Variants in NEDD9 observed in about 807,000 individuals in gnomAD.
NEDD9 encodes the protein enhancer of filamentation 1.
A neutral mutation model predicts 76.6 loss-of-function variants in NEDD9; 26 were observed. That is an observed-to-expected ratio of 0.34 (90% confidence interval 0.25 to 0.47). The LOEUF (loss-of-function observed/expected upper bound fraction) is 0.47, where lower values mean the gene tolerates loss of function less well. NEDD9 is among the 20% of genes least tolerant of loss of function. NEDD9 has a pLI of 1.00. For missense variants in NEDD9, 937 were observed against 1,058.5 expected, an observed-to-expected ratio of 0.89 and a Z score of 1.59; for synonymous variants, 392 against 414.2, an observed-to-expected ratio of 0.95 and a Z score of 0.65.
At chr6:11,320,361 C>G (rs1338694817) in intron 2 of NEDD9, among the ~76,000 whole-genome samples, 2 of 152,172 alleles carry the variant, frequency 1.3e-5, no homozygotes, top group African/African-American at 4.8e-5. Flanking sequence ...ACCTTCTATA[C>G]TCTCTCGCCT....
upstream of NEDD9, among the ~76,000 whole-genome samples, chr6:11,236,349 G>A (rs1459852596): frequency 1.3e-5 from 2 of 152,188 alleles, no homozygotes; most frequent in Non-Finnish European, 2.9e-5. The surrounding 1 kb of genome is among the most constrained non-coding windows in gnomAD (Gnocchi z 5.5). Context: ...GTGCAGGCAG[G>A]AGTGAGGGAA....
At position 11,185,495 on chromosome 6, in the gene NEDD9, G is replaced by A. The variant is rs903769927; in HGVS notation, c.2172C>T (p.Asn724=). 2.5e-6 allele frequency: 4 copies of A among 1,614,206 alleles called. No individual in the cohort carries two copies. Among genetic ancestry groups the A allele is most frequent in the Non-Finnish European group, 2.5e-6 (3 of 1,180,030 alleles). Residue 724 remains asparagine, a synonymous_variant, in exon 7 of 7, where the codon AAC becomes AAT. Transcript: ENST00000379446. Reference sequence around the variant, plus strand: ...CACAACTGAAGAGTGCGTCAATGGCGTTGAGAAGGGAAATGAAATGGGTCT... The same window carrying A: ...CACAACTGAAGAGTGCGTCAATGGCATTGAGAAGGGAAATGAAATGGGTCT... The part of the protein sequence containing the change: ...QCETHFISLL[N]AIDALFSCVS...
intron 1 of NEDD9, among the ~76,000 whole-genome samples, chr6:11,222,919 T>C (rs936730463): frequency 1.3e-5 from 2 of 152,044 alleles, no homozygotes; most frequent in African/African-American, 4.8e-5. Context: ...GGAGAAGGAG[T>C]AGAAGAGATT....
chr6:11,382,065 C>G (rs1001427508), intron 1 of NEDD9: 1 of 152,282 alleles, frequency 6.6e-6, no homozygotes, highest in African/African-American at 2.4e-5. Context: ...AGATGTCTGG[C>G]ACCAACTCAG....
At chr6:11,382,212 G>A (rs548546810) in exon 1 of NEDD9, 9 of 152,406 alleles carry the variant, frequency 5.9e-5, no homozygotes, top group African/African-American at 2.2e-4. Context: ...GCAGGCGGGC[G>A]GGAGGTGACA....
At chr6:11,214,080 G>T in intron 1 of NEDD9, 1 of 419,010 alleles carries the variant, frequency 2.4e-6, no homozygotes. Context: ...TGAGCTTAAG[G>T]AAAAAAAAAT....
chr6:11,288,913 A>C (rs1021445061), intron 3 of NEDD9, among the ~76,000 whole-genome samples: 3 of 152,216 alleles, frequency 2.0e-5, no homozygotes, highest in Non-Finnish European at 4.4e-5. Context: ...TCCATAATTG[A>C]CTAATTGCAG....
rs896503803 is a variant in NEDD9, at chr6:11,370,261, A to C, written c.-214+11878T>G. ...GCTCTGCTGACGTTTTCCTATGCTGAAGCAAGAAGTGAGGAACATTGTCTT... is the reference window on the plus strand; with the variant it reads ...GCTCTGCTGACGTTTTCCTATGCTGCAGCAAGAAGTGAGGAACATTGTCTT... On this transcript the variant is annotated intron_variant, in intron 1 of 3. Transcript: ENST00000397378. The surrounding 1 kb of genome is among the most constrained non-coding windows in gnomAD (Gnocchi z 4.2). Among the ~76,000 whole-genome samples, 1 of 152,174 alleles carries C rather than the reference A, an allele frequency of 6.6e-6. No individual in the cohort carries two copies. The highest frequency in any genetic ancestry group is 1.5e-5 in the Non-Finnish European group (1 of 68,028).
intron 3 of NEDD9, among the ~76,000 whole-genome samples, chr6:11,281,488 T>G (rs774822714): frequency 6.6e-5 from 10 of 152,210 alleles, no homozygotes; most frequent in Non-Finnish European, 1.5e-4. Flanking sequence ...AGATGTGATA[T>G]CTGGAGCTAC....
chr6:11,299,803 A>G lies in NEDD9; in HGVS notation c.12+6189T>C, dbSNP rs1760994404. Among the ~76,000 whole-genome samples, 4 of 152,242 alleles carry G rather than the reference A, an allele frequency of 2.6e-5. No individual in the cohort carries two copies. In the South Asian group the frequency reaches 8.3e-4, roughly 32 times the overall value. On this transcript the variant is annotated intron_variant, in intron 3 of 3. Coordinates refer to the NEDD9 transcript ENST00000397378. ...AAGGAAAACTAACAAACGGAAAGGA[A>G]TAGCATCAACATCAACAAAAAGGAC... is the stretch of plus-strand genomic sequence containing the variant.
chr6:11,249,538 A>C (rs1449521163), intron 3 of NEDD9, among the ~76,000 whole-genome samples: 1 of 152,076 alleles, frequency 6.6e-6, no homozygotes, highest in Non-Finnish European at 1.5e-5. Flanking sequence ...TTCTCATCCC[A>C]TTAGCCAGAT....
chr6:11,258,372 C>T (rs551590856), intron 3 of NEDD9: 6 of 152,296 alleles, frequency 3.9e-5, no homozygotes, highest in Non-Finnish European at 7.3e-5. Context: ...TGTGAATGCT[C>T]TTCTCTGAAT....
chr6:11,221,444 T>C (rs966302890), intron 1 of NEDD9, among the ~76,000 whole-genome samples: 2 of 151,824 alleles, frequency 1.3e-5, no homozygotes, highest in African/African-American at 2.4e-5. Flanking sequence ...AGGTTTTTTA[T>C]AGGTATTAGA....
At chr6:11,318,700 C>T (rs909287886) in intron 2 of NEDD9, among the ~76,000 whole-genome samples, 1 of 152,026 alleles carries the variant, frequency 6.6e-6, no homozygotes. Context: ...AAAAAAACAA[C>T]AGAAAACAGC....
chr6:11,252,526 C>A lies in NEDD9; in HGVS notation c.13-38799G>T, dbSNP rs1759932778. Reference sequence around the variant, plus strand: ...AGCCCACAGCTACCTCCCATGCCTCCTGGAAGCACCCCCTTCCATGGTCAA... The same window carrying A: ...AGCCCACAGCTACCTCCCATGCCTCATGGAAGCACCCCCTTCCATGGTCAA... On this transcript the variant is annotated intron_variant, in intron 3 of 3. Transcript: ENST00000397378. The surrounding 1 kb of genome is among the most constrained non-coding windows in gnomAD (Gnocchi z 4.3). Among the ~76,000 whole-genome samples the A allele has an allele frequency of 6.6e-6, 1 of 152,202 alleles. No homozygotes were observed. The highest frequency in any genetic ancestry group is 6.5e-5 in the Admixed American group (1 of 15,282).
intron 1 of NEDD9, among the ~76,000 whole-genome samples, chr6:11,341,790 A>G (rs1214215155): frequency 6.6e-6 from 1 of 152,222 alleles, no homozygotes; most frequent in Non-Finnish European, 1.5e-5. Context: ...AGACATAAAA[A>G]CCAACAAAAA....
chr6:11,297,256 C>T (rs1760922794), intron 3 of NEDD9, among the ~76,000 whole-genome samples: 1 of 151,396 alleles, frequency 6.6e-6, no homozygotes, highest in Admixed American at 6.6e-5. Flanking sequence ...ACAGAACCAT[C>T]CTGGGAAAAG....
chr6:11,330,288 G>A (rs937483138), intron 2 of NEDD9, among the ~76,000 whole-genome samples: 3 of 152,146 alleles, frequency 2.0e-5, no homozygotes, highest in East Asian at 1.9e-4. Flanking sequence ...ACTTTAACCC[G>A]TGTTGGTATG....
chr6:11,200,308 G>A (rs900736273), intron 2 of NEDD9: 7 of 463,556 alleles, frequency 1.5e-5, no homozygotes, highest in African/African-American at 1.4e-4. Flanking sequence ...TGCCAGAACA[G>A]CTCAAAGCAT....
Sources: gnomAD v4.1 joint callset for allele counts (sites outside exome capture counted in the v4.1 genomes callset) on GRCh38, gnomAD v4.1.1 for gene constraint, Gnocchi (gnomAD v3.1) non-coding constraint, MANE v1.5 for transcripts, NCBI Gene and HGNC (gene_info 2026-07-23, HGNC 2026-07-21) for gene names.